The following SI variants were observed in gnomAD, a reference collection of about 807,000 sequenced individuals.
SI encodes sucrase-isomaltase, intestinal.
SI carries 235 observed loss-of-function variants against 253.3 expected under a neutral mutation model. The observed-to-expected ratio is 0.93, with a 90% CI of 0.83 to 1.03. The LOEUF (loss-of-function observed/expected upper bound fraction) is 1.03. Among genes scored for constraint, SI ranks in the 50% least tolerant of loss-of-function variants. SI has a pLI of 0.00. For synonymous variants in SI, 819 were observed against 712.0 expected (o/e 1.15, Z -2.39); for missense variants, 2,442 against 2,211.1 (o/e 1.10, Z -2.09).
intron 17 of SI, 108 bp from the exon 18 acceptor site, chr3:165,041,202 G>T: frequency 1.1e-6 from 1 of 926,422 alleles, no homozygotes; most frequent in Non-Finnish European, 1.7e-6. Context: ...ATTTCAGCTT[G>T]TTTATGAGAA....
Position 164,991,338 on chromosome 3 carries a change from A to T in SI, c.5108+15T>A. The T allele has an allele frequency of 1.9e-6, 3 of 1,613,592 alleles. No homozygotes were observed. Among genetic ancestry groups the T allele is most frequent in the South Asian group, 2.2e-5 (2 of 91,068 alleles). ...TCTCAAAATTTAACCTGAGCTTTGT[A>T]AACAGTTCACTTACCTGTAAAATGT... On this transcript the variant is annotated intron_variant, in intron 44 of 47. Coordinates refer to ENST00000264382, the MANE Select transcript of SI (RefSeq NM_001041.4).
chr3:165,029,581 CATATATATGTATATATATACATAT>C (rs1416733668), intron 25 of SI, among the ~76,000 whole-genome samples: 1 of 131,144 alleles, frequency 7.6e-6, no homozygotes, highest in South Asian at 2.4e-4. Context: ...TATATATATA[CATATATATGTATATATATACATAT>C]ATATGTATAT....
intron 3 of SI, among the ~76,000 whole-genome samples, chr3:165,073,769 A>G (rs1714755075): frequency 1.3e-5 from 2 of 152,186 alleles, no homozygotes; most frequent in African/African-American, 4.8e-5. Flanking sequence ...ATACATTATA[A>G]CAATTATTTG....
rs539460044 is a variant in SI, at chr3:164,991,880, A to T, written c.4983+297T>A. ...ACATTATTCTTAGAAAGACTGCACT[A>T]CCTTTAATGATCATTTTATATATCC... On this transcript the variant is annotated intron_variant, in intron 43 of 47. Transcript: ENST00000264382. Among the ~76,000 whole-genome samples the T allele has an allele frequency of 5.3e-5, 8 of 152,200 alleles. No homozygotes were observed. In the South Asian group the frequency reaches 1.7e-3, roughly 32 times the overall value.
At chr3:165,088,651 A>G in the SI span, among the ~76,000 whole-genome samples, 1 of 152,110 alleles carries the variant, frequency 6.6e-6, no homozygotes, top group Non-Finnish European at 1.5e-5. Flanking sequence ...CAAAAAATAA[A>G]TAAATAAATA....
At position 165,062,401 on chromosome 3, in the gene SI, T is replaced by C. The variant is rs1714031746; in HGVS notation, c.990A>G (p.Thr330=). 1 of 1,591,184 alleles carries C rather than the reference T, an allele frequency of 6.3e-7. No homozygotes were observed. The highest frequency in any genetic ancestry group is 8.6e-7 in the Non-Finnish European group (1 of 1,159,790). The change falls in exon 9 of 48, where the codon ACA becomes ACG. Residue 330 remains threonine (T), a synonymous_variant. Coordinates refer to ENST00000264382, the MANE Select transcript of SI (RefSeq NM_001041.4). The stretch of plus-strand genomic sequence containing the variant: ...GATACTGTTGAACTACTTGTTCTGG[T>C]GTATCTCCTAGAAGGATGTAAAAAT... The part of the protein sequence containing the change: ...ILDFYILLGD[T]PEQVVQQYQQ...
chr3:165,070,563 C>CA (rs964111225), intron 3 of SI, among the ~76,000 whole-genome samples: 7 of 150,306 alleles, frequency 4.7e-5, no homozygotes, highest in Admixed American at 1.3e-4. Flanking sequence ...GACAATTCTA[C>CA]AAAAAAAATT....
At chr3:165,010,424 G>A (rs1050588216) in intron 34 of SI, among the ~76,000 whole-genome samples, 2 of 152,134 alleles carry the variant, frequency 1.3e-5, no homozygotes, top group Admixed American at 1.3e-4. Context: ...GCCTCCCAAA[G>A]TGCTGGGATT....
At position 165,057,738 on chromosome 3, in the gene SI, A is replaced by T. The variant is rs577548751; in HGVS notation, c.1398+1225T>A. ...AAAAACTTTTATCTTAGTAGACTAC[A>T]TCCAGTGAAAATATCCTTCAAACAT... On this transcript the variant is annotated intron_variant, in intron 12 of 47. Transcript: ENST00000264382. Among the ~76,000 whole-genome samples, 52 of 152,074 alleles carry T rather than the reference A, an allele frequency of 3.4e-4. 2 individuals are homozygous for T. In the South Asian group the frequency reaches 0.011, roughly 32 times the overall value.
chr3:165,086,876 G>A, the SI span, among the ~76,000 whole-genome samples: 1 of 152,116 alleles, frequency 6.6e-6, no homozygotes, highest in Admixed American at 6.6e-5. Flanking sequence ...TCAGCCAAAG[G>A]CACAGGGGAA....
chr3:165,062,368 C>CACCTG lies in SI; in HGVS notation c.1018_1020+2dup. On this transcript the variant is annotated splice_region_variant and intron_variant, in intron 9 of 47. Coordinates refer to ENST00000264382, the MANE Select transcript of SI (RefSeq NM_001041.4). ...AATTTTATAAAATAGACCTGAAACA[C>CACCTG]ACCTGTTGATACTGTTGAACTACTT... 1 of 1,426,582 alleles carries CACCTG rather than the reference C, an allele frequency of 7.0e-7. No homozygotes were observed. The highest frequency in any genetic ancestry group is 9.9e-7 in the Non-Finnish European group (1 of 1,009,768). 88.4% of individuals were successfully genotyped at this position (1,426,582 alleles called of 1,614,324 possible). A position where few individuals can be genotyped will look rare whatever the true frequency, so the allele number is the denominator to read the frequency against.
intron 16 of SI, 51 bp downstream of exon 16, chr3:165,046,790 A>T: frequency 6.6e-6 from 9 of 1,358,064 alleles, no homozygotes; most frequent in Non-Finnish European, 9.4e-6. Flanking sequence ...TTACATTAAA[A>T]ATTAATGTAA....
chr3:165,089,181 A>C, the SI span, among the ~76,000 whole-genome samples: 1 of 151,756 alleles, frequency 6.6e-6, no homozygotes, highest in Non-Finnish European at 1.5e-5. Context: ...AAATCAGAAG[A>C]TACAAAAGAA....
intron 38 of SI, 127 bp downstream of exon 38, chr3:164,998,413 T>C: frequency 1.1e-6 from 1 of 937,346 alleles, no homozygotes; most frequent in African/African-American, 1.6e-5. Context: ...TCTGATGCTA[T>C]ATGACATAAA....
At chr3:165,045,732 T>C (rs1057294466) in intron 16 of SI, among the ~76,000 whole-genome samples, 1 of 151,832 alleles carries the variant, frequency 6.6e-6, no homozygotes, top group Non-Finnish European at 1.5e-5. Flanking sequence ...ACAGCTGAAA[T>C]TTCCCAAGAT....
chr3:165,001,343 T>C lies in SI; in HGVS notation c.4407-2670A>G, dbSNP rs568357594. Reference sequence around the variant, plus strand: ...TCTTTGAAAACTCAAAGATATTTTATTGAATTATTTTTGAAGGCAATATAT... The same window carrying C: ...TCTTTGAAAACTCAAAGATATTTTACTGAATTATTTTTGAAGGCAATATAT... On this transcript the variant is annotated intron_variant, in intron 37 of 47. Coordinates refer to ENST00000264382, the MANE Select transcript of SI (RefSeq NM_001041.4). Among the ~76,000 whole-genome samples the C allele has an allele frequency of 3.0e-4, 46 of 151,572 alleles. No individual in the cohort carries two copies. The South Asian group carries it at 9.5e-3, about 31-fold the overall frequency.
At chr3:165,049,277 AT>A in intron 14 of SI, 33 bp from the exon 15 acceptor site, 1 of 1,160,102 alleles carries the variant, frequency 8.6e-7, no homozygotes, top group Non-Finnish European at 1.3e-6. Context: ...CATTTCTTAT[AT>A]TTTTCCATTA....
intron 18 of SI, 26 bp from the exon 19 acceptor site, chr3:165,039,997 T>C (rs371236421): frequency 3.2e-6 from 5 of 1,550,420 alleles, no homozygotes; most frequent in South Asian, 1.1e-5. Context: ...ATGTTTAAAG[T>C]ATAATAATGA....
intron 4 of SI, 45 bp downstream of exon 4, chr3:165,069,033 G>T: frequency 7.5e-7 from 1 of 1,342,048 alleles, no homozygotes; most frequent in South Asian, 1.2e-5. Context: ...TTTCGCTCCA[G>T]TTAGAATATA....
Sources: allele counts gnomAD v4.1 joint callset (sites outside exome capture counted in the v4.1 genomes callset), GRCh38; gene constraint gnomAD v4.1.1; transcripts MANE v1.5; gene names NCBI Gene and HGNC (gene_info 2026-07-23, HGNC 2026-07-21).